CCSER2: variants seen among roughly 807,000 people sequenced by gnomAD.
CCSER2 encodes serine-rich coiled-coil domain-containing protein 2.
Under a neutral mutation model 92.3 loss-of-function variants are expected in CCSER2, and 46 were observed. The ratio of observed to expected loss-of-function variants is 0.50; its 90% CI spans 0.39 to 0.64. The LOEUF is 0.64. Ranked by LOEUF, CCSER2 falls within the 30% of genes least tolerant of loss-of-function variation. The pLI, the probability that CCSER2 is intolerant of heterozygous loss-of-function variation, is 0.00. For synonymous variants in CCSER2, 433 were observed against 431.4 expected (o/e 1.00, Z -0.04); for missense variants, 1,244 against 1,238.9 (o/e 1.00, Z -0.06).
chr10:84,442,249 G>A (rs1435984189), intron 6 of CCSER2, among the ~76,000 whole-genome samples: 1 of 152,070 alleles, frequency 6.6e-6, no homozygotes, highest in East Asian at 1.9e-4. Flanking sequence ...GGTGGGGGAA[G>A]GTGATGGTGC....
Position 84,411,218 on chromosome 10 carries a change from G to A in CCSER2, c.1615-6553G>A, listed in dbSNP as rs1229867890. Among the ~76,000 whole-genome samples, 5 of 152,132 alleles carry A rather than the reference G, an allele frequency of 3.3e-5. 1 individual carries two copies. The highest frequency in any genetic ancestry group is 2.6e-4 in the Admixed American group (4 of 15,276). Reference sequence around the variant, plus strand: ...ATGCCACCAGAATCTGGGTGCTCCTGTATATAGGCTCCTGGGTGCCTATAT... The same window carrying A: ...ATGCCACCAGAATCTGGGTGCTCCTATATATAGGCTCCTGGGTGCCTATAT... On this transcript the variant is annotated intron_variant, in intron 3 of 9. Transcript: ENST00000372088.
chr10:84,441,736 G>GTTTTTTTTTTTTTT (rs869280119), intron 6 of CCSER2, among the ~76,000 whole-genome samples: 6 of 43,638 alleles, frequency 1.4e-4, no homozygotes, highest in African/African-American at 2.2e-4. Flanking sequence ...CTGGGAAAAT[G>GTTTTTTTTTTTTTT]TTTTTTTTTT....
chr10:84,420,973 T>C lies in CCSER2; in HGVS notation c.1705+3112T>C, dbSNP rs535068652. Among the ~76,000 whole-genome samples, 5 of 149,368 alleles carry C rather than the reference T, an allele frequency of 3.3e-5. 1 individual carries two copies. In the South Asian group the frequency reaches 1.1e-3, roughly 33 times the overall value. ...AAGGTTTAGATTGGTCACTATGAAC[T>C]ATAATGAATTGCCACTAATTCTCCC... On this transcript the variant is annotated intron_variant, in intron 4 of 9. Coordinates refer to ENST00000372088, the MANE Select transcript of CCSER2 (RefSeq NM_001284240.2).
At chr10:84,458,205 G>T (rs2350734) in intron 6 of CCSER2, among the ~76,000 whole-genome samples, 129,806 of 152,186 alleles carry the variant, frequency 0.85, 55,435 homozygotes, top group East Asian at 0.9. Context: ...TAATCTGTTT[G>T]AAGAGTTTTT....
At chr10:84,462,047 C>T (rs1846130751) in intron 6 of CCSER2, among the ~76,000 whole-genome samples, 1 of 152,162 alleles carries the variant, frequency 6.6e-6, no homozygotes, top group South Asian at 2.1e-4. Flanking sequence ...CAGATCTGTT[C>T]TGAGTATACA....
At chr10:84,458,544 G>A (rs546371729) in intron 6 of CCSER2, among the ~76,000 whole-genome samples, 54 of 152,150 alleles carry the variant, frequency 3.5e-4, no homozygotes, top group Non-Finnish European at 4.0e-4. Context: ...TAGAAGCAGC[G>A]TTTCTATTTC....
At chr10:84,349,347 C>T (rs1844731432) in intron 1 of CCSER2, among the ~76,000 whole-genome samples, 1 of 152,142 alleles carries the variant, frequency 6.6e-6, no homozygotes, top group Non-Finnish European at 1.5e-5. Flanking sequence ...ATCACTGAGT[C>T]CTGTAGTTTC....
chr10:84,408,978 A>T (rs1589579344), intron 3 of CCSER2, among the ~76,000 whole-genome samples: 4 of 152,194 alleles, frequency 2.6e-5, no homozygotes, highest in Admixed American at 2.6e-4. Context: ...CTTCTATTTT[A>T]TTTTATTATG....
At chr10:84,445,433 G>T (rs903732804) in intron 6 of CCSER2, among the ~76,000 whole-genome samples, 1 of 152,218 alleles carries the variant, frequency 6.6e-6, no homozygotes, top group Non-Finnish European at 1.5e-5. Flanking sequence ...GATTACAGGC[G>T]TGAGCCACCG....
intron 8 of CCSER2, among the ~76,000 whole-genome samples, chr10:84,476,598 C>T (rs1015638436): frequency 3.9e-5 from 6 of 151,938 alleles, no homozygotes; most frequent in Admixed American, 1.3e-4. Flanking sequence ...TGCCCGCCAC[C>T]ACATCCGGCA....
chr10:84,503,050 G>A lies in CCSER2; in HGVS notation c.2326-10399G>A, dbSNP rs545355482. On this transcript the variant is annotated intron_variant, in intron 9 of 9. Coordinates refer to ENST00000372088, the MANE Select transcript of CCSER2 (RefSeq NM_001284240.2). ...CCATCCTGGTTAACACGGTGAAACC[G>A]CATCTCTACTAAAAATACGAAAAAT... 6.6e-5 allele frequency among the ~76,000 whole-genome samples: 10 copies of A among 152,020 alleles called. No individual in the cohort carries two copies. The South Asian group carries it at 2.1e-3, about 32-fold the overall frequency.
At chr10:84,343,059 G>T (rs998015739) in intron 1 of CCSER2, among the ~76,000 whole-genome samples, 1 of 152,094 alleles carries the variant, frequency 6.6e-6, no homozygotes. Flanking sequence ...TTTTAGTAGA[G>T]TCCGGGGTTT....
intron 3 of CCSER2, among the ~76,000 whole-genome samples, chr10:84,404,894 T>TA (rs1049856702): frequency 2.6e-5 from 4 of 152,146 alleles, no homozygotes; most frequent in Admixed American, 6.6e-5. Context: ...AAGATCTAAA[T>TA]AAAAATATGA....
At chr10:84,385,914 T>C (rs1251687985) in intron 3 of CCSER2, among the ~76,000 whole-genome samples, 2 of 149,596 alleles carry the variant, frequency 1.3e-5, no homozygotes, top group African/African-American at 4.9e-5. Flanking sequence ...ATTAAAAAAA[T>C]GGGCAAAGGA....
chr10:84,387,859 ACTTTT>A (rs1246387881), intron 3 of CCSER2, among the ~76,000 whole-genome samples: 1 of 150,664 alleles, frequency 6.6e-6, no homozygotes, highest in Non-Finnish European at 1.5e-5. Flanking sequence ...CAAGGACTGG[ACTTTT>A]CTTTTCTTTT....
chr10:84,341,734 G>A (rs1253855553), intron 1 of CCSER2, among the ~76,000 whole-genome samples: 1 of 152,122 alleles, frequency 6.6e-6, no homozygotes, highest in Non-Finnish European at 1.5e-5. Context: ...GCCATAAATT[G>A]GGGTTCCCAT....
chr10:84,370,979 G>A, intron 1 of CCSER2, 35 bp from the exon 2 acceptor site: 1 of 913,562 alleles, frequency 1.1e-6, no homozygotes, highest in Non-Finnish European at 1.6e-6. Context: ...TCCTTATTTA[G>A]GAATGTTTAA....
intron 6 of CCSER2, among the ~76,000 whole-genome samples, chr10:84,445,497 CAA>C (rs1844859823): frequency 6.6e-6 from 1 of 152,140 alleles, no homozygotes; most frequent in Admixed American, 6.5e-5. Context: ...AACTTCTTAA[CAA>C]AGTGTAATAT....
chr10:84,487,685 A>G (rs2133787214), intron 9 of CCSER2, among the ~76,000 whole-genome samples: 1 of 152,336 alleles, frequency 6.6e-6, no homozygotes, highest in East Asian at 1.9e-4. Flanking sequence ...GTCATCTGCA[A>G]ACAGGGACAA....
Sources: gnomAD v4.1 joint callset for allele counts (sites outside exome capture counted in the v4.1 genomes callset) on GRCh38, gnomAD v4.1.1 for gene constraint, MANE v1.5 for transcripts, NCBI Gene and HGNC (gene_info 2026-07-23, HGNC 2026-07-21) for gene names.